The following KCNQ1 variants were observed in gnomAD, a reference collection of about 807,000 sequenced individuals.
KCNQ1 encodes the protein potassium voltage-gated channel subfamily Q member 1.
KCNQ1 carries 49 observed loss-of-function variants against 72.4 expected under a neutral mutation model. That is an observed-to-expected ratio of 0.68 (90% CI 0.54 to 0.86). The LOEUF (loss-of-function observed/expected upper bound fraction) is 0.86, where lower values mean the gene tolerates loss of function less well. Among genes scored for constraint, KCNQ1 ranks in the 40% least tolerant of loss-of-function variants. KCNQ1 has a pLI of 0.00. For synonymous variants in KCNQ1, 450 were observed against 412.6 expected, an observed-to-expected ratio of 1.09 and a Z score of -1.10; for missense variants, 790 against 945.1, an observed-to-expected ratio of 0.84 and a Z score of 2.15.
At chr11:2,512,610 C>T (rs1184991819) in intron 1 of KCNQ1, among the ~76,000 whole-genome samples, 1 of 152,232 alleles carries the variant, frequency 6.6e-6, no homozygotes, top group Non-Finnish European at 1.5e-5. Flanking sequence ...CTGAGGCCCT[C>T]TGGCCGCCTC....
rs1847767253 is a variant in KCNQ1, at chr11:2,538,180, C to G, written c.477+10162C>G. Reference sequence around the variant, plus strand: ...CATTTCACAGCCTGCATTTAAGGCTCGTCACTGGTCCCAGTGAGTGTGGCT... The same window carrying G: ...CATTTCACAGCCTGCATTTAAGGCTGGTCACTGGTCCCAGTGAGTGTGGCT... On this transcript the variant is annotated intron_variant, in intron 2 of 15. Transcript: ENST00000155840. The surrounding 1 kb of genome is among the most constrained non-coding windows in gnomAD (Gnocchi z 6.7). Among the ~76,000 whole-genome samples, 1 of 152,228 alleles carries G rather than the reference C, an allele frequency of 6.6e-6. No individual in the cohort carries two copies. Among genetic ancestry groups the G allele is most frequent in the African/African-American group, 2.4e-5 (1 of 41,456 alleles).
intron 11 of KCNQ1, among the ~76,000 whole-genome samples, chr11:2,719,704 C>A (rs67886747): frequency 6.6e-6 from 1 of 152,014 alleles, no homozygotes; most frequent in Non-Finnish European, 1.5e-5. Context: ...GTAGGAAGTC[C>A]TGCCCTCGGA....
rs1846466033 is a variant in KCNQ1 at position 2,764,842 on chromosome 11, A to G, written c.1515-4002A>G. On this transcript the variant is annotated intron_variant, in intron 11 of 15. Coordinates refer to ENST00000155840, the MANE Select transcript of KCNQ1 (RefSeq NM_000218.3). This position sits in a 1 kb window ranked among gnomAD's most constrained non-coding sequence, Gnocchi z 4.8. ...TCTGCACCTCTAGGTCTATAGTGAC[A>G]TTCCATCTTTAACTCCTGATGGCGG... 1.3e-5 allele frequency among the ~76,000 whole-genome samples: 2 copies of G among 152,202 alleles called. No individual in the cohort carries two copies. The highest frequency in any genetic ancestry group is 1.3e-4 in the Admixed American group (2 of 15,282).
In KCNQ1 at chr11:2,509,788, G is replaced by C. The variant is rs1030267934; in HGVS notation, c.387-18140G>C. On this transcript the variant is annotated intron_variant, in intron 1 of 15. Transcript: ENST00000155840. This position sits in a 1 kb window ranked among gnomAD's most constrained non-coding sequence, Gnocchi z 6.3. Reference sequence around the variant, plus strand: ...GGGGAGCGGGGCTGGGCGGCTGCTGGCTGAGCCAAGTGGACTGGGAGGTGT... The same window carrying C: ...GGGGAGCGGGGCTGGGCGGCTGCTGCCTGAGCCAAGTGGACTGGGAGGTGT... Among the ~76,000 whole-genome samples the C allele has an allele frequency of 6.6e-6, 1 of 152,200 alleles. No homozygotes were observed. Among genetic ancestry groups the C allele is most frequent in the African/African-American group, 2.4e-5 (1 of 41,436 alleles).
In KCNQ1 at chr11:2,507,898, A is replaced by G. The variant is rs971901826; in HGVS notation, c.387-20030A>G. Among the ~76,000 whole-genome samples the G allele has an allele frequency of 6.6e-6, 1 of 152,134 alleles. No homozygotes were observed. Among genetic ancestry groups the G allele is most frequent in the South Asian group, 2.1e-4 (1 of 4,834 alleles). On this transcript the variant is annotated intron_variant, in intron 1 of 15. Transcript: ENST00000155840. The surrounding 1 kb of genome is among the most constrained non-coding windows in gnomAD (Gnocchi z 5.4). ...CCTCCACAGGGGCAATGGAGGAAGA[A>G]CAAAGGACTCTGTGTTGAGCCCTCC... is the stretch of plus-strand genomic sequence containing the variant.
intron 5 of KCNQ1, among the ~76,000 whole-genome samples, 192 bp downstream of exon 5, chr11:2,572,301 C>T (rs749131451): frequency 3.3e-5 from 5 of 152,194 alleles, no homozygotes; most frequent in African/African-American, 1.2e-4. Context: ...GATGCTCCAC[C>T]CCAGCCTGGT....
chr11:2,589,397 G>C (rs992035595), intron 10 of KCNQ1, among the ~76,000 whole-genome samples: 6 of 152,212 alleles, frequency 3.9e-5, no homozygotes. Context: ...CCCCTGCAGC[G>C]GGGGCTGGGA....
Position 2,549,725 on chromosome 11 carries a change from T to C in KCNQ1, c.478-20903T>C, listed in dbSNP as rs1395483738. Reference sequence around the variant, plus strand: ...GTGGCCCTGGGCTCCCCAGGCCTGGTGTGGGGGTGCCTGGGGGGCAGTGGA... The same window carrying C: ...GTGGCCCTGGGCTCCCCAGGCCTGGCGTGGGGGTGCCTGGGGGGCAGTGGA... On this transcript the variant is annotated intron_variant, in intron 2 of 15. Coordinates refer to ENST00000155840, the MANE Select transcript of KCNQ1 (RefSeq NM_000218.3). The surrounding 1 kb of genome is among the most constrained non-coding windows in gnomAD (Gnocchi z 6.2). Among the ~76,000 whole-genome samples the C allele has an allele frequency of 2.0e-5, 3 of 151,888 alleles. No individual in the cohort carries two copies. Among genetic ancestry groups the C allele is most frequent in the African/African-American group, 7.3e-5 (3 of 41,358 alleles).
Position 2,611,900 on chromosome 11 carries a change from A to G in KCNQ1, c.1393+23046A>G, listed in dbSNP as rs1435717724. Reference sequence around the variant, plus strand: ...TTTAAAGTGTAATCTGGAGGTTACAATAAGCAGCTTAAGCAAAAACAATCT... The same window carrying G: ...TTTAAAGTGTAATCTGGAGGTTACAGTAAGCAGCTTAAGCAAAAACAATCT... On this transcript the variant is annotated intron_variant, in intron 10 of 15. Coordinates refer to ENST00000155840, the MANE Select transcript of KCNQ1 (RefSeq NM_000218.3). The surrounding 1 kb of genome is among the most constrained non-coding windows in gnomAD (Gnocchi z 5.3). 5.0e-6 allele frequency: 2 copies of G among 398,410 alleles called. No homozygotes were observed. The highest frequency in any genetic ancestry group is 2.1e-5 in the African/African-American group (1 of 48,612). 24.7% of individuals were successfully genotyped at this position (398,410 alleles called of 1,614,324 possible). A position where few individuals can be genotyped will look rare whatever the true frequency, so the allele number is the denominator to read the frequency against.
intron 2 of KCNQ1, among the ~76,000 whole-genome samples, chr11:2,557,626 T>G (rs1401871078): frequency 6.6e-6 from 1 of 152,182 alleles, no homozygotes; most frequent in Non-Finnish European, 1.5e-5. Context: ...GGCTGGAGCC[T>G]CCACAGCATT....
chr11:2,653,131 A>C lies in KCNQ1; in HGVS notation c.1394-8830A>C. 1 of 398,768 alleles carries C rather than the reference A, an allele frequency of 2.5e-6. No homozygotes were observed. The highest frequency in any genetic ancestry group is 2.0e-5 in the African/African-American group (1 of 48,784). 24.7% of individuals were successfully genotyped at this position (398,768 alleles called of 1,614,324 possible). ...AAGGTTTGGGGAGATGAGGACTTGC[A>C]TCACAGCAGTAGAAAGCCAATGTCC... is the stretch of plus-strand genomic sequence containing the variant. On this transcript the variant is annotated intron_variant, in intron 10 of 15. Coordinates refer to ENST00000155840, the MANE Select transcript of KCNQ1 (RefSeq NM_000218.3). This position sits in a 1 kb window ranked among gnomAD's most constrained non-coding sequence, Gnocchi z 5.3.
In KCNQ1 at chr11:2,673,239, G is replaced by C; in HGVS notation, c.1514+11158G>C. ...AGCTGAGTCCCCTGTAGATTCTGGG[G>C]ACTGGGTGATGCAGACTGCAAAGCC... On this transcript the variant is annotated intron_variant, in intron 11 of 15. Transcript: ENST00000155840. The surrounding 1 kb of genome is among the most constrained non-coding windows in gnomAD (Gnocchi z 4.5). 1 of 398,672 alleles carries C rather than the reference G, an allele frequency of 2.5e-6. No homozygotes were observed. 24.7% of individuals were successfully genotyped at this position (398,672 alleles called of 1,614,324 possible).
Position 2,572,186 on chromosome 11 carries a change from A to G in KCNQ1, c.780+77A>G, listed in dbSNP as rs12786951. Reference sequence around the variant, plus strand: ...GGAGCAGAGCAGCCCACACTAGGACAGCTTGAGATGCGCTGAGGCCCCGGG... The same window carrying G: ...GGAGCAGAGCAGCCCACACTAGGACGGCTTGAGATGCGCTGAGGCCCCGGG... On this transcript the variant is annotated intron_variant, in intron 5 of 15. Transcript: ENST00000155840. 0.26 allele frequency: 286,664 copies of G among 1,100,816 alleles called. 41,865 individuals carry two copies. The highest frequency in any genetic ancestry group is 0.53 in the East Asian group (21,143 of 40,226). The allele number at this position is 1,100,816 out of a possible 1,614,324, so 68.2% of individuals were successfully genotyped here. A position where few individuals can be genotyped will look rare whatever the true frequency, so the allele number is the denominator to read the frequency against.
rs914661144 is a variant in KCNQ1 at position 2,782,042 on chromosome 11, T to A, written c.1794+4005T>A. On this transcript the variant is annotated intron_variant, in intron 15 of 15. Coordinates refer to ENST00000155840, the MANE Select transcript of KCNQ1 (RefSeq NM_000218.3). This position sits in a 1 kb window ranked among gnomAD's most constrained non-coding sequence, Gnocchi z 6.1. ...GCAGGCCCAGCCTCCCAGAATTGGGTGTTTGCCCCCAGACACTGCTACCCT... is the reference window on the plus strand; with the variant it reads ...GCAGGCCCAGCCTCCCAGAATTGGGAGTTTGCCCCCAGACACTGCTACCCT... 4.6e-5 allele frequency among the ~76,000 whole-genome samples: 7 copies of A among 152,024 alleles called. No homozygotes were observed. The East Asian group carries it at 1.3e-3, about 29-fold the overall frequency.
intron 1 of KCNQ1, among the ~76,000 whole-genome samples, chr11:2,524,396 C>T (rs1330467000): frequency 6.6e-6 from 1 of 152,192 alleles, no homozygotes. Context: ...ACCTCAGAAG[C>T]CCTTGGAGCC....
At position 2,716,537 on chromosome 11, in the gene KCNQ1, C is replaced by T. The variant is rs1470995621; in HGVS notation, c.1515-52307C>T. ...AGCTTCCCAGGCGTGTGCTTCCCAC[C>T]CAGGCTCTTGTGGGTTGGCTTGCCA... On this transcript the variant is annotated intron_variant, in intron 11 of 15. Transcript: ENST00000155840. 2.0e-5 allele frequency among the ~76,000 whole-genome samples: 3 copies of T among 152,230 alleles called. No individual in the cohort carries two copies. In the East Asian group the frequency reaches 5.8e-4, roughly 29 times the overall value.
Position 2,817,370 on chromosome 11 carries a change from G to A in KCNQ1, c.1795-30397G>A, listed in dbSNP as rs1181661402. 2.6e-5 allele frequency among the ~76,000 whole-genome samples: 4 copies of A among 152,090 alleles called. No homozygotes were observed. Among genetic ancestry groups the A allele is most frequent in the Non-Finnish European group, 5.9e-5 (4 of 68,014 alleles). On this transcript the variant is annotated intron_variant, in intron 15 of 15. Transcript: ENST00000155840. This position sits in a 1 kb window ranked among gnomAD's most constrained non-coding sequence, Gnocchi z 6.1. ...ACCTTGAACCCCTGTTGCACCCCAG[G>A]AGGAGAATCACACCAGTGCCCCCTG... is the stretch of plus-strand genomic sequence containing the variant.
intron 11 of KCNQ1, among the ~76,000 whole-genome samples, chr11:2,753,983 A>G (rs1390998857): frequency 1.3e-5 from 2 of 152,234 alleles, no homozygotes; most frequent in East Asian, 3.8e-4. Flanking sequence ...CATTGACCCA[A>G]TTAAAAAATG....
chr11:2,646,223 C>A (rs941400160), intron 10 of KCNQ1: 2 of 398,602 alleles, frequency 5.0e-6, no homozygotes, highest in Non-Finnish European at 8.8e-6. Context: ...GTGCCAGATG[C>A]CTCTAGTCAG....
Sources: gnomAD v4.1 joint callset for allele counts (sites outside exome capture counted in the v4.1 genomes callset) on GRCh38, gnomAD v4.1.1 for gene constraint, Gnocchi (gnomAD v3.1) non-coding constraint, MANE v1.5 for transcripts, NCBI Gene and HGNC (gene_info 2026-07-23, HGNC 2026-07-21) for gene names.